The following SZT2 variants were observed in gnomAD, a reference collection of about 807,000 sequenced individuals.
SZT2 encodes KICSTOR complex protein SZT2.
SZT2 carries 216 observed loss-of-function variants against 404.2 expected under a neutral mutation model. The observed-to-expected ratio is 0.53, with a 90% confidence interval of 0.48 to 0.60. The LOEUF is 0.60. Among genes scored for constraint, SZT2 ranks in the 20% least tolerant of loss-of-function variants. The pLI, the probability that SZT2 is intolerant of heterozygous loss-of-function variation, is 0.00. For missense variants in SZT2, 3,857 were observed against 4,459.2 expected (o/e 0.86, Z 3.85); for synonymous variants, 1,693 against 1,749.9 (o/e 0.97, Z 0.81).
chr1:43,438,519 T>C (rs925558463), intron 46 of SZT2, among the ~76,000 whole-genome samples, 180 bp from the exon 47 acceptor site: 1 of 152,152 alleles, frequency 6.6e-6, no homozygotes, highest in Non-Finnish European at 1.5e-5. Flanking sequence ...CAAGTGTCCA[T>C]AGTGACATAA....
rs2782644 is a variant in SZT2 at position 43,421,475 on chromosome 1, G to A, written c.1626+172G>A. ...CTCTTCTCCCTAAGGCCCCGGGGAA[G>A]AGGAGGATCTATACAGACAGGCTGT... On this transcript the variant is annotated intron_variant, in intron 11 of 71. Coordinates refer to ENST00000634258, the MANE Select transcript of SZT2 (RefSeq NM_001365999.1). 0.31 allele frequency among the ~76,000 whole-genome samples: 47,298 copies of A among 152,196 alleles called. 8,568 individuals carry two copies. Among genetic ancestry groups the A allele is most frequent in the Middle Eastern group, 0.44 (129 of 294 alleles).
rs118092570 is a variant in SZT2 at position 43,449,227 on chromosome 1, C to G, written c.10086+499C>G. On this transcript the variant is annotated intron_variant, in intron 70 of 71. Transcript: ENST00000634258. ...GGCGTGAAAGCACTGCTGTAAAGGA[C>G]AGGTAGAGAGAACTGTGGTGGTGGA... The G allele has an allele frequency of 1.5e-3, 248 of 169,148 alleles. 1 individual carries two copies. In the East Asian group the frequency reaches 0.027, roughly 18 times the overall value. The allele number at this position is 169,148 out of a possible 1,614,324, so 10.5% of individuals were successfully genotyped here.
Position 43,427,580 on chromosome 1 carries a change from C to G in SZT2, c.3649C>G (p.Gln1217Glu), listed in dbSNP as rs140232728. ...ELSPPFRRDL[Q>E]AYAGRQASQT... ...AAGTCCACCATTCCGTCGAGACTTACAGGCTTACGCTGGGCGTCAGGCTTC... is the reference window on the plus strand; with the variant it reads ...AAGTCCACCATTCCGTCGAGACTTAGAGGCTTACGCTGGGCGTCAGGCTTC... The change falls in exon 26 of 72, where the codon CAG (glutamine) becomes GAG (glutamate). Residue 1217 changes from glutamine (Q) to glutamate (E), a missense_variant. Gln to Glu is a conservative substitution (Grantham distance 29, BLOSUM62 2). Coordinates refer to ENST00000634258, the MANE Select transcript of SZT2 (RefSeq NM_001365999.1). 7 of 1,614,258 alleles carry G rather than the reference C, an allele frequency of 4.3e-6. No homozygotes were observed. Among genetic ancestry groups the G allele is most frequent in the African/African-American group, 2.7e-5 (2 of 75,070 alleles).
chr1:43,390,568 G>A (rs1188381038), intron 1 of SZT2, among the ~76,000 whole-genome samples: 9 of 152,226 alleles, frequency 5.9e-5, no homozygotes, highest in African/African-American at 2.2e-4. Flanking sequence ...CTTATAGTGT[G>A]TTGTGAGAAT....
Position 43,437,553 on chromosome 1 carries a change from C to T in SZT2, c.6291-42C>T, listed in dbSNP as rs370677534. 57 of 1,613,850 alleles carry T rather than the reference C, an allele frequency of 3.5e-5. No individual in the cohort carries two copies. The highest frequency in any genetic ancestry group is 4.5e-5 in the Non-Finnish European group (53 of 1,179,958). ...TGGGTAGGGCATGAATTAAGGATGG[C>T]CTGGGAGGAGGCATGTCCAAAGACA... On this transcript the variant is annotated intron_variant, in intron 44 of 71. Transcript: ENST00000634258. The surrounding 1 kb of genome is among the most constrained non-coding windows in gnomAD (Gnocchi z 5.3).
chr1:43,414,044 G>A (rs1435658329), intron 4 of SZT2, among the ~76,000 whole-genome samples: 1 of 152,136 alleles, frequency 6.6e-6, no homozygotes, highest in Non-Finnish European at 1.5e-5. Context: ...CACTTTGGGA[G>A]GCTGAGGTGG....
At chr1:43,391,105 A>G (rs1372134649) in intron 1 of SZT2, among the ~76,000 whole-genome samples, 3 of 152,214 alleles carry the variant, frequency 2.0e-5, no homozygotes, top group Non-Finnish European at 4.4e-5. Flanking sequence ...ACCTGAGGTG[A>G]GGAGTTCGAG....
Position 43,415,184 on chromosome 1 carries a change from C to T in SZT2, c.601C>T (p.Leu201=). 6.3e-7 allele frequency: 1 copy of T among 1,598,036 alleles called. No homozygotes were observed. Among genetic ancestry groups the T allele is most frequent in the Middle Eastern group, 1.7e-4 (1 of 6,028 alleles). The change falls in exon 5 of 72, where the codon CTG becomes TTG. Residue 201 remains leucine, a synonymous_variant. Transcript: ENST00000634258. The part of the protein sequence containing the change: ...CLFEDKVATM[L]QQQYDPQSQA... ...CTTTGAGGATAAGGTGGCCACCATG[C>T]TGCAGCAGCAGTACGATCCCCAGAG...
Position 43,452,751 on chromosome 1 carries a change from A to G in SZT2, c.*2271A>G. 1 of 742,700 alleles carries G rather than the reference A, an allele frequency of 1.3e-6. No homozygotes were observed. Among genetic ancestry groups the G allele is most frequent in the South Asian group, 1.7e-5 (1 of 59,146 alleles). The allele number at this position is 742,700 out of a possible 1,614,324, so 46.0% of individuals were successfully genotyped here. A position where few individuals can be genotyped will look rare whatever the true frequency, so the allele number is the denominator to read the frequency against. On this transcript the variant is annotated 3_prime_UTR_variant, in exon 72 of 72. Transcript: ENST00000634258. ...TGACCAGTAGTGATCCCCTCTTGCCAGTTCCTTCTGAGCCTGTTTGGCCTC... is the reference window on the plus strand; with the variant it reads ...TGACCAGTAGTGATCCCCTCTTGCCGGTTCCTTCTGAGCCTGTTTGGCCTC...
At chr1:43,399,289 T>C (rs893559617) in intron 1 of SZT2, among the ~76,000 whole-genome samples, 2 of 152,062 alleles carry the variant, frequency 1.3e-5, no homozygotes, top group African/African-American at 4.8e-5. Flanking sequence ...ATAATAAGAC[T>C]TTCACCGTGA....
intron 10 of SZT2, 40 bp from the exon 11 acceptor site, chr1:43,421,134 C>T (rs751842900): frequency 6.3e-7 from 1 of 1,597,548 alleles, no homozygotes; most frequent in East Asian, 2.2e-5. Flanking sequence ...CTGCACCCAG[C>T]AGAGTCAGAT....
At chr1:43,413,956 A>T (rs1007919008) in intron 4 of SZT2, among the ~76,000 whole-genome samples, 3 of 152,184 alleles carry the variant, frequency 2.0e-5, no homozygotes, top group African/African-American at 7.2e-5. Flanking sequence ...AAAGAGTAAA[A>T]TTGGATTGTT....
At chr1:43,418,986 G>C (rs2842177) in intron 7 of SZT2, among the ~76,000 whole-genome samples, 47,314 of 152,202 alleles carry the variant, frequency 0.31, 8,574 homozygotes, top group Middle Eastern at 0.44. Context: ...GAATGGAATA[G>C]AGTAAGTTAC....
At chr1:43,401,487 A>G (rs1385161515) in intron 1 of SZT2, among the ~76,000 whole-genome samples, 1 of 151,126 alleles carries the variant, frequency 6.6e-6, no homozygotes, top group Admixed American at 6.6e-5. Flanking sequence ...CTTACTTTTT[A>G]TTTTATTGTA....
intron 4 of SZT2, among the ~76,000 whole-genome samples, chr1:43,414,277 C>CA (rs1651429423): frequency 6.6e-6 from 1 of 151,108 alleles, no homozygotes; most frequent in African/African-American, 2.4e-5. Context: ...GGCTCTGTCT[C>CA]AAAAAAACAA....
At position 43,427,589 on chromosome 1, in the gene SZT2, G is replaced by T; in HGVS notation, c.3658G>T (p.Ala1220Ser). The T allele has an allele frequency of 6.2e-7, 1 of 1,614,224 alleles. No homozygotes were observed. The highest frequency in any genetic ancestry group is 8.5e-7 in the Non-Finnish European group (1 of 1,180,046). Residue 1220 changes from alanine to serine, a missense_variant, in exon 26 of 72, where the codon GCT (alanine) becomes TCT (serine). Physicochemically the swap from Ala to Ser is moderately conservative, Grantham distance 99. Coordinates refer to ENST00000634258, the MANE Select transcript of SZT2 (RefSeq NM_001365999.1). ...PPFRRDLQAY[A>S]GRQASQTESA... ...ATTCCGTCGAGACTTACAGGCTTACGCTGGGCGTCAGGCTTCCCAGACAGA... is the reference window on the plus strand; with the variant it reads ...ATTCCGTCGAGACTTACAGGCTTACTCTGGGCGTCAGGCTTCCCAGACAGA...
chr1:43,453,483 C>G lies in SZT2; in HGVS notation c.*3003C>G. ...GGGACGGCCCCCAGCCCCATTTCCC[C>G]CTTCTCTTGGTCTCCTGCAGAGAGA... On this transcript the variant is annotated 3_prime_UTR_variant, in exon 72 of 72. Coordinates refer to ENST00000634258, the MANE Select transcript of SZT2 (RefSeq NM_001365999.1). 1 of 1,558,388 alleles carries G rather than the reference C, an allele frequency of 6.4e-7. No homozygotes were observed. The highest frequency in any genetic ancestry group is 8.7e-7 in the Non-Finnish European group (1 of 1,150,326).
In SZT2 at chr1:43,450,375, G is replaced by T; in HGVS notation, c.10194G>T (p.Gln3398His). 6.2e-7 allele frequency: 1 copy of T among 1,613,954 alleles called. No homozygotes were observed. The highest frequency in any genetic ancestry group is 8.5e-7 in the Non-Finnish European group (1 of 1,179,950). Residue 3398 changes from glutamine to histidine, a missense_variant, in exon 72 of 72, where the codon CAG becomes CAT. By Grantham distance (24) the Gln-to-His change is conservative (BLOSUM62 0). Transcript: ENST00000634258. This position sits in a 1 kb window ranked among gnomAD's most constrained non-coding sequence, Gnocchi z 4.3. ...TTTTCCGAGAGCCCTTCCCAGTACA[G>T]CCCCAGGACAGCGAGAGCCCCCCTG... ...TVVFREPFPV[Q>H]PQDSESPPAQ...
At position 43,439,499 on chromosome 1, in the gene SZT2, T is replaced by C. The variant is rs1181993663; in HGVS notation, c.6877+57T>C. On this transcript the variant is annotated intron_variant, in intron 49 of 71. Coordinates refer to ENST00000634258, the MANE Select transcript of SZT2 (RefSeq NM_001365999.1). The surrounding 1 kb of genome is among the most constrained non-coding windows in gnomAD (Gnocchi z 4.2). Reference sequence around the variant, plus strand: ...CCAGGTGAGGGAAAGCCTTTTGTCATCCTATTGCTAAGAGGACATTTCCCA... The same window carrying C: ...CCAGGTGAGGGAAAGCCTTTTGTCACCCTATTGCTAAGAGGACATTTCCCA... The C allele has an allele frequency of 6.3e-6, 10 of 1,597,676 alleles. No homozygotes were observed. In the East Asian group the frequency reaches 1.8e-4, roughly 29 times the overall value.
Sources: gnomAD v4.1 joint callset for allele counts (sites outside exome capture counted in the v4.1 genomes callset) on GRCh38, gnomAD v4.1.1 for gene constraint, Gnocchi (gnomAD v3.1) non-coding constraint, MANE v1.5 for transcripts, NCBI Gene and HGNC (gene_info 2026-07-23, HGNC 2026-07-21) for gene names.